The following GRID2 variants were observed in gnomAD, a reference collection of about 807,000 sequenced individuals.
GRID2 encodes glutamate receptor ionotropic, delta-2.
In GRID2, 33 loss-of-function variants were observed where a neutral mutation model predicts 114.8. That is an observed-to-expected ratio of 0.29 (90% CI 0.22 to 0.38). The LOEUF (loss-of-function observed/expected upper bound fraction) is 0.38. Ranked by LOEUF, GRID2 falls within the 10% of genes least tolerant of loss-of-function variation. The pLI, the probability that GRID2 is intolerant of heterozygous loss-of-function variation, is 1.00. For synonymous variants in GRID2, 505 were observed against 449.9 expected (o/e 1.12, Z -1.55); for missense variants, 1,184 against 1,257.7 (o/e 0.94, Z 0.89).
At chr4:93,034,707 CA>C (rs1482674611) in intron 2 of GRID2, among the ~76,000 whole-genome samples, 1 of 152,136 alleles carries the variant, frequency 6.6e-6, no homozygotes, top group East Asian at 1.9e-4. Flanking sequence ...TATCAAGGCA[CA>C]TAACTCACTT....
chr4:92,671,446 A>G (rs559609780), intron 2 of GRID2, among the ~76,000 whole-genome samples: 1 of 152,216 alleles, frequency 6.6e-6, no homozygotes, highest in Non-Finnish European at 1.5e-5. Flanking sequence ...CAAACATCAT[A>G]TTATATGGGA....
intron 4 of GRID2, among the ~76,000 whole-genome samples, chr4:93,142,670 C>T (rs149958015): frequency 1.1e-3 from 167 of 152,228 alleles, no homozygotes; most frequent in Middle Eastern, 3.4e-3. Context: ...CATTTCTGGT[C>T]GATATGTACT....
intron 6 of GRID2, 93 bp downstream of exon 6, chr4:93,217,004 C>T (rs1364847702): frequency 8.9e-6 from 7 of 790,486 alleles, no homozygotes; most frequent in Admixed American, 8.3e-5. Flanking sequence ...CAGAATTATA[C>T]GTGTTATTTC....
intron 4 of GRID2, among the ~76,000 whole-genome samples, chr4:93,117,716 G>C (rs1733409293): frequency 6.6e-6 from 1 of 152,106 alleles, no homozygotes; most frequent in African/African-American, 2.4e-5. Flanking sequence ...TAGTGCTAAA[G>C]TGCTGGTCTA....
intron 2 of GRID2, among the ~76,000 whole-genome samples, chr4:92,684,774 A>G (rs545460620): frequency 3.9e-5 from 6 of 152,236 alleles, no homozygotes; most frequent in Middle Eastern, 3.4e-3. Flanking sequence ...AGCCAAGGAA[A>G]TAAGGATAAC....
intron 4 of GRID2, among the ~76,000 whole-genome samples, chr4:93,126,216 T>G (rs947946422): frequency 6.6e-6 from 1 of 152,238 alleles, no homozygotes; most frequent in Admixed American, 6.5e-5. Context: ...ACATGTTCTC[T>G]AATTTGGAAA....
intron 1 of GRID2, among the ~76,000 whole-genome samples, chr4:92,321,235 G>A (rs1002723763): frequency 1.3e-5 from 2 of 152,032 alleles, no homozygotes; most frequent in African/African-American, 2.4e-5. Flanking sequence ...TTGGGACTTC[G>A]GGCCTCTTTT....
At chr4:93,443,303 C>T (rs939383959) in intron 10 of GRID2, among the ~76,000 whole-genome samples, 2 of 151,866 alleles carry the variant, frequency 1.3e-5, no homozygotes, top group Admixed American at 1.3e-4. Flanking sequence ...TATACATATA[C>T]ACTTACCACC....
At chr4:92,820,925 CAAAAT>C (rs1741242731) in intron 2 of GRID2, among the ~76,000 whole-genome samples, 1 of 151,884 alleles carries the variant, frequency 6.6e-6, no homozygotes, top group African/African-American at 2.4e-5. Context: ...TTCAAATTAA[CAAAAT>C]AACCTAGAAG....
Position 92,590,176 on chromosome 4 carries a change from G to T in GRID2, c.134G>T (p.Arg45Leu), listed in dbSNP as rs754954663. ...ESAKKDDEVF[R>L]TAVGDLNQNE... ...GCCAAAAAGGATGATGAGGTATTTCGCACTGCGGTTGGTGACCTTAACCAG... is the reference window on the plus strand; with the variant it reads ...GCCAAAAAGGATGATGAGGTATTTCTCACTGCGGTTGGTGACCTTAACCAG... The change falls in exon 2 of 16, where the codon CGC (arginine) becomes CTC (leucine). Residue 45 changes from arginine (R) to leucine (L), a missense_variant. Coordinates refer to ENST00000282020, the MANE Select transcript of GRID2 (RefSeq NM_001510.4). 3 of 1,611,358 alleles carry T rather than the reference G, an allele frequency of 1.9e-6. No homozygotes were observed. The highest frequency in any genetic ancestry group is 2.2e-5 in the South Asian group (2 of 90,986).
chr4:92,352,974 ATCTTTC>A (rs1247091414), intron 1 of GRID2, among the ~76,000 whole-genome samples: 1 of 151,588 alleles, frequency 6.6e-6, no homozygotes, highest in African/African-American at 2.4e-5. Flanking sequence ...TAAATATTAT[ATCTTTC>A]TCTTTCTCTT....
At chr4:92,965,312 T>C (rs1274517725) in intron 2 of GRID2, among the ~76,000 whole-genome samples, 1 of 151,354 alleles carries the variant, frequency 6.6e-6, no homozygotes, top group Non-Finnish European at 1.5e-5. Flanking sequence ...ATAAGAGATA[T>C]AACAACAATG....
At chr4:92,307,487 C>A (rs934355167) in intron 1 of GRID2, among the ~76,000 whole-genome samples, 2 of 152,022 alleles carry the variant, frequency 1.3e-5, no homozygotes, top group South Asian at 4.1e-4. Flanking sequence ...TGGTATTGAA[C>A]CAACTTATAT....
chr4:93,566,636 G>A (rs1437774574), intron 13 of GRID2, among the ~76,000 whole-genome samples: 5 of 152,128 alleles, frequency 3.3e-5, no homozygotes, highest in Non-Finnish European at 5.9e-5. Context: ...CGGGCATAGT[G>A]GTGCGCAGCT....
At chr4:93,185,636 T>G (rs945097659) in intron 4 of GRID2, among the ~76,000 whole-genome samples, 5 of 152,232 alleles carry the variant, frequency 3.3e-5, no homozygotes, top group South Asian at 2.1e-4. Flanking sequence ...CACTTCAATG[T>G]AATTTTTAAA....
At chr4:92,990,851 C>T (rs1754857404) in intron 2 of GRID2, among the ~76,000 whole-genome samples, 1 of 151,918 alleles carries the variant, frequency 6.6e-6, no homozygotes, top group African/African-American at 2.4e-5. Flanking sequence ...AAAGTAAAAA[C>T]ATAAGCATGA....
Position 93,035,105 on chromosome 4 carries a change from C to CTT in GRID2, c.245-49875_245-49874dup, listed in dbSNP as rs1409804820. On this transcript the variant is annotated intron_variant, in intron 2 of 15. Transcript: ENST00000282020. ...TTCTTTTAATCCCTATCACTGTCTGCTTTTTTTTTTTTTTTTCTGAGGCAG... is the reference window on the plus strand; with the variant it reads ...TTCTTTTAATCCCTATCACTGTCTGCTTTTTTTTTTTTTTTTTTCTGAGGCAG... Among the ~76,000 whole-genome samples the CTT allele has an allele frequency of 4.4e-3, 598 of 136,226 alleles. 13 individuals are homozygous for CTT. Among genetic ancestry groups the CTT allele is most frequent in the South Asian group, 0.024 (103 of 4,228 alleles). 89.4% of individuals were successfully genotyped at this position (136,226 alleles called of 152,430 possible).
At chr4:92,720,139 C>T (rs1735740941) in intron 2 of GRID2, among the ~76,000 whole-genome samples, 1 of 151,836 alleles carries the variant, frequency 6.6e-6, no homozygotes, top group South Asian at 2.1e-4. Context: ...CTTTTTAAGT[C>T]AAATTATATT....
At chr4:93,482,370 G>A (rs2149448217) in intron 11 of GRID2, among the ~76,000 whole-genome samples, 1 of 152,144 alleles carries the variant, frequency 6.6e-6, no homozygotes, top group Middle Eastern at 3.4e-3. Context: ...AAAAGAATGA[G>A]TTCATGTCCT....
Sources: gnomAD v4.1 joint callset for allele counts (sites outside exome capture counted in the v4.1 genomes callset) on GRCh38, gnomAD v4.1.1 for gene constraint, MANE v1.5 for transcripts, NCBI Gene and HGNC (gene_info 2026-07-23, HGNC 2026-07-21) for gene names.